The following ERC2 variants were observed in gnomAD, a reference collection of about 807,000 sequenced individuals.
ERC2 encodes the protein ERC protein 2.
ERC2 carries 42 observed loss-of-function variants against 114.8 expected under a neutral mutation model. The ratio of observed to expected loss-of-function variants is 0.37; its 90% CI spans 0.29 to 0.47. The LOEUF (loss-of-function observed/expected upper bound fraction) is 0.47. ERC2 is among the 20% of genes least tolerant of loss of function. The pLI, the probability that ERC2 is intolerant of heterozygous loss-of-function variation, is 0.99. For synonymous variants in ERC2, 454 were observed against 425.5 expected (o/e 1.07, Z -0.82); for missense variants, 939 against 1,150.7 (o/e 0.82, Z 2.66).
chr3:56,362,170 G>A (rs1048075301), intron 2 of ERC2, among the ~76,000 whole-genome samples: 6 of 152,140 alleles, frequency 3.9e-5, no homozygotes, highest in African/African-American at 1.2e-4. Context: ...CCAGAGAGAC[G>A]GAGGAAGGGA....
chr3:55,573,422 T>C (rs922967611), intron 17 of ERC2, among the ~76,000 whole-genome samples: 13 of 152,158 alleles, frequency 8.5e-5, no homozygotes, highest in Non-Finnish European at 1.6e-4. Flanking sequence ...TTTTCTTTTT[T>C]TGCATGCCTC....
At chr3:55,629,010 T>C (rs143171887) in intron 17 of ERC2, among the ~76,000 whole-genome samples, 1 of 152,086 alleles carries the variant, frequency 6.6e-6, no homozygotes, top group East Asian at 1.9e-4. Flanking sequence ...ATTTCACCAT[T>C]TGGGACTAAG....
intron 3 of ERC2, among the ~76,000 whole-genome samples, chr3:56,281,059 T>C (rs2054304365): frequency 6.6e-6 from 1 of 152,202 alleles, no homozygotes. Flanking sequence ...TCTTAAGTTG[T>C]CCAAAAAGCT....
At chr3:55,954,955 T>C (rs1247098894) in intron 12 of ERC2, among the ~76,000 whole-genome samples, 1 of 152,014 alleles carries the variant, frequency 6.6e-6, no homozygotes, top group African/African-American at 2.4e-5. Context: ...ATTAAGTATA[T>C]TCATAATATA....
At chr3:56,073,354 T>C (rs2076828400) in intron 7 of ERC2, among the ~76,000 whole-genome samples, 1 of 152,156 alleles carries the variant, frequency 6.6e-6, no homozygotes, top group African/African-American at 2.4e-5. Flanking sequence ...CTCTGCATAT[T>C]AGGACATTTA....
chr3:55,803,627 A>C (rs1481117058), intron 14 of ERC2, among the ~76,000 whole-genome samples: 2 of 151,962 alleles, frequency 1.3e-5, no homozygotes, highest in African/African-American at 4.8e-5. Context: ...TTAACTGCCA[A>C]TATTTCTTAA....
chr3:55,782,716 C>T (rs2069156611), intron 14 of ERC2, among the ~76,000 whole-genome samples: 1 of 152,170 alleles, frequency 6.6e-6, no homozygotes, highest in African/African-American at 2.4e-5. Context: ...GGCCAACTGA[C>T]AATATGACAG....
chr3:55,703,711 C>G (rs2063345432), intron 15 of ERC2, among the ~76,000 whole-genome samples: 1 of 152,238 alleles, frequency 6.6e-6, no homozygotes, highest in Non-Finnish European at 1.5e-5. Context: ...AGAGGGCACA[C>G]AGGCTACTGT....
intron 16 of ERC2, among the ~76,000 whole-genome samples, chr3:55,693,833 C>G (rs1025662903): frequency 1.3e-5 from 2 of 151,924 alleles, no homozygotes; most frequent in African/African-American, 4.8e-5. Context: ...CTCAGCCTCC[C>G]AAATAGCTGG....
rs571807747 is a variant in ERC2, at chr3:55,921,178, T to C, written c.2403+29247A>G. On this transcript the variant is annotated intron_variant, in intron 13 of 17. Coordinates refer to ENST00000288221, the MANE Select transcript of ERC2 (RefSeq NM_015576.3). ...TAATTGATGGGATTAGCGGCTTCAATTGAATCAGTGTGAACCTTAATTACC... is the reference window on the plus strand; with the variant it reads ...TAATTGATGGGATTAGCGGCTTCAACTGAATCAGTGTGAACCTTAATTACC... Among the ~76,000 whole-genome samples, 9 of 152,276 alleles carry C rather than the reference T, an allele frequency of 5.9e-5. No homozygotes were observed. The East Asian group carries it at 1.7e-3, about 29-fold the overall frequency.
chr3:55,941,252 A>T (rs1319365627), intron 13 of ERC2, among the ~76,000 whole-genome samples: 1 of 152,126 alleles, frequency 6.6e-6, no homozygotes, highest in Non-Finnish European at 1.5e-5. Context: ...GTCAATGAAG[A>T]GGGTGCAACA....
rs768161560 is a variant in ERC2 at position 56,296,286 on chromosome 3, C to T, written c.807G>A (p.Glu269=). 2 of 1,614,036 alleles carry T rather than the reference C, an allele frequency of 1.2e-6. No individual in the cohort carries two copies. Among genetic ancestry groups the T allele is most frequent in the Admixed American group, 1.7e-5 (1 of 60,022 alleles). The change falls in exon 3 of 18, where the codon GAG becomes GAA. Residue 269 remains glutamate (E), a synonymous_variant. Coordinates refer to ENST00000288221, the MANE Select transcript of ERC2 (RefSeq NM_015576.3). The part of the protein sequence containing the change: ...TEENFRRLQA[E]HDRQAKELFL... The stretch of plus-strand genomic sequence containing the variant: ...ACAGCTCCTTAGCCTGCCTGTCATG[C>T]TCGGCTTGGAGCCGCCTAAAGTTCT...
chr3:55,683,493 A>G (rs575575757), intron 17 of ERC2, among the ~76,000 whole-genome samples: 1 of 152,326 alleles, frequency 6.6e-6, no homozygotes, highest in Admixed American at 6.5e-5. Flanking sequence ...TGCCTTAAAA[A>G]GTGTGTATAA....
chr3:56,290,872 G>T (rs1252218238), intron 3 of ERC2, among the ~76,000 whole-genome samples: 1 of 152,158 alleles, frequency 6.6e-6, no homozygotes, highest in Non-Finnish European at 1.5e-5. Context: ...AGGTCTCCTG[G>T]GGGTTTTGCT....
chr3:55,729,559 G>T lies in ERC2; in HGVS notation c.2712+5212C>A, dbSNP rs539610752. 2.6e-5 allele frequency among the ~76,000 whole-genome samples: 4 copies of T among 152,220 alleles called. No individual in the cohort carries two copies. In the East Asian group the frequency reaches 7.7e-4, roughly 29 times the overall value. On this transcript the variant is annotated intron_variant, in intron 15 of 17. Transcript: ENST00000288221. ...CCCCTATTAAAAAGTAAGCCTGTCT[G>T]GGTGTGGTGGCTCATGCCTAACAAT... is the stretch of plus-strand genomic sequence containing the variant.
chr3:55,709,764 G>A (rs942806976), intron 15 of ERC2, among the ~76,000 whole-genome samples: 2 of 152,200 alleles, frequency 1.3e-5, no homozygotes, highest in African/African-American at 4.8e-5. Flanking sequence ...GGTGAGCCAT[G>A]CAAAACATGT....
At chr3:55,683,694 G>T in intron 17 of ERC2, 100 bp downstream of exon 17, 1 of 976,142 alleles carries the variant, frequency 1.0e-6, no homozygotes, top group Non-Finnish European at 1.5e-6. Flanking sequence ...CAAACACAGG[G>T]CACAATTCAC....
intron 3 of ERC2, among the ~76,000 whole-genome samples, chr3:56,184,114 T>C (rs1483969264): frequency 1.3e-5 from 2 of 152,224 alleles, no homozygotes; most frequent in Non-Finnish European, 2.9e-5. Flanking sequence ...ATGGATAATG[T>C]GCTCCTTTTG....
At chr3:56,315,282 G>C (rs889272052) in intron 2 of ERC2, among the ~76,000 whole-genome samples, 1 of 152,110 alleles carries the variant, frequency 6.6e-6, no homozygotes, top group African/African-American at 2.4e-5. Context: ...ATCTATGTGA[G>C]ATAAATGTTA....
Sources: gnomAD v4.1 joint callset for allele counts (sites outside exome capture counted in the v4.1 genomes callset) on GRCh38, gnomAD v4.1.1 for gene constraint, MANE v1.5 for transcripts, NCBI Gene and HGNC (gene_info 2026-07-23, HGNC 2026-07-21) for gene names.